The following LRRTM4 variants were observed in gnomAD, a reference collection of about 807,000 sequenced individuals.
The protein encoded by LRRTM4 is leucine rich repeat transmembrane neuronal 4.
In LRRTM4, 25 loss-of-function variants were observed where a neutral mutation model predicts 47.6. The ratio of observed to expected loss-of-function variants is 0.53; its 90% CI spans 0.38 to 0.73. The LOEUF is 0.73. Among genes scored for constraint, LRRTM4 ranks in the 30% least tolerant of loss-of-function variants. LRRTM4 has a pLI of 0.00. For synonymous variants in LRRTM4, 311 were observed against 269.5 expected (o/e 1.15, Z -1.51); for missense variants, 638 against 713.4 (o/e 0.89, Z 1.20).
At chr2:76,759,494 C>A (rs184837765) in intron 3 of LRRTM4, among the ~76,000 whole-genome samples, 1 of 152,262 alleles carries the variant, frequency 6.6e-6, no homozygotes, top group African/African-American at 2.4e-5. Flanking sequence ...CAGGGACACT[C>A]TTAAGCCAGC....
At chr2:77,504,207 AT>A (rs534493695) in intron 3 of LRRTM4, among the ~76,000 whole-genome samples, 2,486 of 151,506 alleles carry the variant, frequency 0.016, 73 homozygotes, top group African/African-American at 0.056. Flanking sequence ...GACTGCCACC[AT>A]TTTTTTTGTA....
intron 3 of LRRTM4, among the ~76,000 whole-genome samples, chr2:76,849,071 A>G (rs1383655293): frequency 6.6e-6 from 1 of 151,862 alleles, no homozygotes; most frequent in Non-Finnish European, 1.5e-5. Flanking sequence ...TACTCTTCTT[A>G]TATTAAGTGT....
At chr2:76,892,038 G>T (rs1673272293) in intron 3 of LRRTM4, among the ~76,000 whole-genome samples, 1 of 151,560 alleles carries the variant, frequency 6.6e-6, no homozygotes, top group African/African-American at 2.4e-5. Context: ...CCGGTATACT[G>T]TGTAGAAAAT....
chr2:76,790,419 T>G (rs1674911680), intron 3 of LRRTM4, among the ~76,000 whole-genome samples: 3 of 152,180 alleles, frequency 2.0e-5, no homozygotes, highest in Admixed American at 2.0e-4. Flanking sequence ...GGACTCCTAC[T>G]GCCTAGGTTG....
At chr2:76,822,121 T>C (rs952665071) in intron 3 of LRRTM4, among the ~76,000 whole-genome samples, 1 of 151,454 alleles carries the variant, frequency 6.6e-6, no homozygotes, top group African/African-American at 2.4e-5. Flanking sequence ...AGAGATCCTA[T>C]CTCTGGAAAA....
chr2:77,216,859 T>C (rs1674457464), intron 3 of LRRTM4, among the ~76,000 whole-genome samples: 1 of 151,910 alleles, frequency 6.6e-6, no homozygotes, highest in Non-Finnish European at 1.5e-5. Context: ...GATCATGAGG[T>C]CAGGAGATCA....
At chr2:76,989,437 C>G (rs1475500008) in intron 3 of LRRTM4, among the ~76,000 whole-genome samples, 1 of 151,828 alleles carries the variant, frequency 6.6e-6, no homozygotes, top group Non-Finnish European at 1.5e-5. Context: ...AATTTTGAAT[C>G]TGCAACTGTA....
At chr2:77,035,920 C>T (rs1678821961) in intron 3 of LRRTM4, among the ~76,000 whole-genome samples, 1 of 151,822 alleles carries the variant, frequency 6.6e-6, no homozygotes. Context: ...CTCTGAGGAG[C>T]AGCCTAATGG....
intron 3 of LRRTM4, among the ~76,000 whole-genome samples, chr2:76,878,626 T>C (rs1672842839): frequency 6.6e-6 from 1 of 152,120 alleles, no homozygotes. Flanking sequence ...CCCAGCACTT[T>C]GGTAGTCCCA....
At chr2:77,369,857 T>C (rs543647545) in intron 3 of LRRTM4, among the ~76,000 whole-genome samples, 2 of 151,786 alleles carry the variant, frequency 1.3e-5, no homozygotes, top group East Asian at 1.9e-4. Flanking sequence ...CAATGGAAAG[T>C]ATTTGTATAT....
At chr2:76,764,247 C>A (rs1159098185) in intron 3 of LRRTM4, among the ~76,000 whole-genome samples, 1 of 152,034 alleles carries the variant, frequency 6.6e-6, no homozygotes, top group Non-Finnish European at 1.5e-5. Context: ...TCAGCCCATG[C>A]ATATTGCAAA....
At chr2:77,056,845 A>G (rs979698597) in intron 3 of LRRTM4, among the ~76,000 whole-genome samples, 3 of 152,178 alleles carry the variant, frequency 2.0e-5, no homozygotes, top group Admixed American at 1.3e-4. Flanking sequence ...CTAAATATCT[A>G]TAGGCAAGGT....
chr2:77,335,661 C>T (rs1671137065), intron 3 of LRRTM4, among the ~76,000 whole-genome samples: 1 of 152,092 alleles, frequency 6.6e-6, no homozygotes. Flanking sequence ...ATTCATTTAT[C>T]ATAATTATTG....
intron 3 of LRRTM4, among the ~76,000 whole-genome samples, chr2:76,928,741 A>G (rs1401309720): frequency 1.3e-5 from 2 of 152,174 alleles, no homozygotes; most frequent in African/African-American, 4.8e-5. Context: ...TAATCAGTTC[A>G]TGATATTAAA....
rs914465682 is a variant in LRRTM4 at position 77,117,241 on chromosome 2, T to A, written c.1552-368325A>T. On this transcript the variant is annotated intron_variant, in intron 3 of 3. Coordinates refer to ENST00000409884, the MANE Select transcript of LRRTM4 (RefSeq NM_001134745.3). Reference sequence around the variant, plus strand: ...CTATTTTGACATATGTTTTCAAATATCTATAATTGTAATTAACAAAAAGGA... The same window carrying A: ...CTATTTTGACATATGTTTTCAAATAACTATAATTGTAATTAACAAAAAGGA... Among the ~76,000 whole-genome samples, 15 of 152,196 alleles carry A rather than the reference T, an allele frequency of 9.9e-5. 2 individuals are homozygous for A. Among genetic ancestry groups the A allele is most frequent in the African/African-American group, 2.9e-4 (12 of 41,572 alleles).
intron 3 of LRRTM4, among the ~76,000 whole-genome samples, chr2:77,230,827 A>G (rs1357159415): frequency 6.6e-6 from 1 of 152,186 alleles, no homozygotes; most frequent in Non-Finnish European, 1.5e-5. Flanking sequence ...TTTTAAAAGA[A>G]ATAGTTATCA....
At chr2:76,906,321 T>A (rs1673837262) in intron 3 of LRRTM4, among the ~76,000 whole-genome samples, 1 of 152,034 alleles carries the variant, frequency 6.6e-6, no homozygotes, top group Admixed American at 6.6e-5. Context: ...CCACCAGGCC[T>A]GCCCTAAAAG....
chr2:77,058,673 ATAT>A (rs1482723868), intron 3 of LRRTM4, among the ~76,000 whole-genome samples: 2 of 152,122 alleles, frequency 1.3e-5, no homozygotes, highest in South Asian at 2.1e-4. Flanking sequence ...ACCAGAACAT[ATAT>A]TATTACAATA....
chr2:77,108,810 C>G (rs1221094241), intron 3 of LRRTM4, among the ~76,000 whole-genome samples: 1 of 151,994 alleles, frequency 6.6e-6, no homozygotes, highest in South Asian at 2.1e-4. Context: ...GTCTCGATCT[C>G]CTGACCTCGT....
Sources: gnomAD v4.1 joint callset for allele counts (sites outside exome capture counted in the v4.1 genomes callset) on GRCh38, gnomAD v4.1.1 for gene constraint, MANE v1.5 for transcripts, NCBI Gene and HGNC (gene_info 2026-07-23, HGNC 2026-07-21) for gene names.